NBEA: variants seen among roughly 807,000 people sequenced by gnomAD.
The protein encoded by NBEA is neurobeachin, also known as lysosomal-trafficking regulator 2.
A neutral mutation model predicts 343.4 loss-of-function variants in NBEA; 44 were observed. That is an observed-to-expected ratio of 0.13 (90% CI 0.10 to 0.16). The LOEUF (loss-of-function observed/expected upper bound fraction) is 0.16, where lower values mean the gene tolerates loss of function less well. NBEA is among the 10% of genes least tolerant of loss of function. The pLI, the probability that NBEA is intolerant of heterozygous loss-of-function variation, is 1.00. For synonymous variants in NBEA, 1,175 were observed against 1,238.7 expected (o/e 0.95, Z 1.08); for missense variants, 2,555 against 3,631.3 (o/e 0.70, Z 7.62).
chr13:35,324,360 A>G (rs1204107143), intron 36 of NBEA, among the ~76,000 whole-genome samples: 1 of 152,238 alleles, frequency 6.6e-6, no homozygotes, highest in Non-Finnish European at 1.5e-5. Flanking sequence ...CACGTAACTG[A>G]TTTATATTCC....
At chr13:35,583,206 A>G (rs1271939738) in intron 45 of NBEA, among the ~76,000 whole-genome samples, 1 of 152,174 alleles carries the variant, frequency 6.6e-6, no homozygotes, top group Non-Finnish European at 1.5e-5. Flanking sequence ...CTGTGATGCA[A>G]TTAAGCACAT....
intron 18 of NBEA, among the ~76,000 whole-genome samples, chr13:35,150,724 A>C (rs1266426216): frequency 6.6e-6 from 1 of 151,926 alleles, no homozygotes; most frequent in East Asian, 1.9e-4. Context: ...TATTACTACA[A>C]CTCTACGAAT....
chr13:35,214,193 A>G (rs902733487), intron 33 of NBEA, among the ~76,000 whole-genome samples: 1 of 151,970 alleles, frequency 6.6e-6, no homozygotes, highest in African/African-American at 2.4e-5. Flanking sequence ...AGTTATAAAT[A>G]ATGATTCTAT....
intron 38 of NBEA, among the ~76,000 whole-genome samples, chr13:35,410,473 AT>A (rs2043517449): frequency 6.6e-6 from 1 of 152,154 alleles, no homozygotes; most frequent in Non-Finnish European, 1.5e-5. Context: ...GAAATAATAC[AT>A]AGGCAAGAGT....
chr13:35,539,747 T>C (rs2078723609), intron 41 of NBEA, among the ~76,000 whole-genome samples: 1 of 150,408 alleles, frequency 6.6e-6, no homozygotes, highest in African/African-American at 2.4e-5. Flanking sequence ...AAACCCCGTC[T>C]CTACTAAAAA....
At chr13:35,217,042 T>G (rs556989302) in intron 33 of NBEA, among the ~76,000 whole-genome samples, 1 of 152,138 alleles carries the variant, frequency 6.6e-6, no homozygotes, top group East Asian at 1.9e-4. Context: ...CAGTTTCTCC[T>G]CATTGTTACC....
chr13:34,981,885 T>C (rs1388207424), intron 1 of NBEA, among the ~76,000 whole-genome samples: 2 of 152,098 alleles, frequency 1.3e-5, no homozygotes, highest in African/African-American at 2.4e-5. Context: ...ATTTCTCTGA[T>C]ATTCTTTTAA....
At chr13:35,573,507 G>C (rs1394474559) in intron 45 of NBEA, among the ~76,000 whole-genome samples, 1 of 152,190 alleles carries the variant, frequency 6.6e-6, no homozygotes, top group South Asian at 2.1e-4. Flanking sequence ...TATATCTCCA[G>C]TGTTGCTTGT....
intron 34 of NBEA, among the ~76,000 whole-genome samples, chr13:35,236,325 A>G (rs1321609891): frequency 6.6e-6 from 1 of 152,252 alleles, no homozygotes; most frequent in Admixed American, 6.5e-5. Flanking sequence ...GCTATAAAAA[A>G]ACATTTCTTA....
chr13:35,155,101 G>T (rs1202362150), intron 18 of NBEA, among the ~76,000 whole-genome samples: 1 of 130,224 alleles, frequency 7.7e-6, no homozygotes, highest in African/African-American at 2.9e-5. Context: ...CTGCAGTCCA[G>T]CCTGGGGGTA....
intron 36 of NBEA, among the ~76,000 whole-genome samples, chr13:35,343,359 G>T (rs1594287049): frequency 6.6e-6 from 1 of 152,080 alleles, no homozygotes. Flanking sequence ...AAAAAATTCA[G>T]TGAATATATA....
intron 41 of NBEA, among the ~76,000 whole-genome samples, chr13:35,492,322 C>T (rs2076532127): frequency 6.6e-6 from 1 of 151,698 alleles, no homozygotes; most frequent in South Asian, 2.1e-4. Flanking sequence ...CACCTGTTCC[C>T]CAAAAACCTA....
intron 1 of NBEA, among the ~76,000 whole-genome samples, chr13:35,038,355 T>C (rs2062525906): frequency 6.6e-6 from 1 of 152,146 alleles, no homozygotes; most frequent in African/African-American, 2.4e-5. Context: ...CTTGGTGCTC[T>C]ACCCTACTGT....
chr13:35,570,215 T>C (rs531067991), intron 45 of NBEA, among the ~76,000 whole-genome samples: 4 of 152,170 alleles, frequency 2.6e-5, no homozygotes, highest in Non-Finnish European at 4.4e-5. Context: ...TTTGTATTTT[T>C]AGTAGAGACA....
At position 35,668,427 on chromosome 13, in the gene NBEA, A is replaced by C. The variant is rs761704798; in HGVS notation, c.8721A>C (p.Val2907=). 2 of 1,613,340 alleles carry C rather than the reference A, an allele frequency of 1.2e-6. No homozygotes were observed. The highest frequency in any genetic ancestry group is 1.7e-6 in the Non-Finnish European group (2 of 1,179,662). ...NLVTGGDNGV[V]EVWQACDFKQ... is the part of the protein sequence containing the mutation. ...TCACCGGAGGGGACAATGGGGTAGT[A>C]GAGGTCTGGCAGGCCTGTGACTTCA... Residue 2907 remains valine (V), a synonymous_variant, in exon 58 of 59, where the codon GTA becomes GTC. Transcript: ENST00000379939.
At chr13:35,260,158 A>G (rs2033078196) in intron 34 of NBEA, among the ~76,000 whole-genome samples, 1 of 152,208 alleles carries the variant, frequency 6.6e-6, no homozygotes, top group Non-Finnish European at 1.5e-5. Context: ...ACTAAAACCC[A>G]TGAAATAACA....
At chr13:35,222,093 T>C (rs998393635) in intron 33 of NBEA, among the ~76,000 whole-genome samples, 1 of 152,188 alleles carries the variant, frequency 6.6e-6, no homozygotes, top group Non-Finnish European at 1.5e-5. Context: ...ATTGTGTTTA[T>C]GATCATATAT....
intron 1 of NBEA, among the ~76,000 whole-genome samples, chr13:35,002,399 G>T (rs1001027696): frequency 6.6e-6 from 1 of 152,146 alleles, no homozygotes; most frequent in African/African-American, 2.4e-5. Flanking sequence ...ATAGGTGAAT[G>T]ACCAGGAAAG....
intron 40 of NBEA, among the ~76,000 whole-genome samples, chr13:35,455,207 C>G (rs190526067): frequency 1.3e-5 from 2 of 151,932 alleles, no homozygotes; most frequent in Non-Finnish European, 2.9e-5. Context: ...CTGTTATTTA[C>G]AAAACCCCGT....
Sources: allele counts gnomAD v4.1 joint callset (sites outside exome capture counted in the v4.1 genomes callset), GRCh38; gene constraint gnomAD v4.1.1; transcripts MANE v1.5; gene names NCBI Gene and HGNC (gene_info 2026-07-23, HGNC 2026-07-21).